P2RX7: variants seen among roughly 807,000 people sequenced by gnomAD.
P2RX7 encodes the protein purinergic receptor P2X 7, also known as P2X purinoceptor 7.
Under a neutral mutation model 71.6 loss-of-function variants are expected in P2RX7, and 62 were observed. The observed-to-expected ratio is 0.87, with a 90% CI of 0.71 to 1.07. The LOEUF (loss-of-function observed/expected upper bound fraction) is 1.07. Among genes scored for constraint, P2RX7 ranks in the 50% least tolerant of loss-of-function variants. P2RX7 has a pLI of 0.00. For missense variants in P2RX7, 686 were observed against 748.5 expected (o/e 0.92, Z 0.97); for synonymous variants, 299 against 283.3 (o/e 1.06, Z -0.56).
intron 1 of P2RX7, among the ~76,000 whole-genome samples, chr12:121,152,568 G>C (rs977004089): frequency 3.3e-5 from 5 of 152,138 alleles, no homozygotes; most frequent in Non-Finnish European, 5.9e-5. Flanking sequence ...TGCCCAGGCT[G>C]GAGTGCAGTG....
chr12:121,163,005 A>G (rs1223118022), intron 5 of P2RX7, among the ~76,000 whole-genome samples: 3 of 152,134 alleles, frequency 2.0e-5, no homozygotes, highest in African/African-American at 7.2e-5. Context: ...CTCAGATTAA[A>G]TGCTTACAAT....
chr12:121,172,685 AAG>A (rs1396210199), intron 8 of P2RX7, among the ~76,000 whole-genome samples: 2 of 152,178 alleles, frequency 1.3e-5, no homozygotes, highest in African/African-American at 4.8e-5. Flanking sequence ...ATACATCAGC[AAG>A]AGAAAAAGCT....
chr12:121,135,087 T>C (rs933533746), intron 1 of P2RX7, among the ~76,000 whole-genome samples: 1 of 152,094 alleles, frequency 6.6e-6, no homozygotes, highest in African/African-American at 2.4e-5. Flanking sequence ...ACACCTGTAA[T>C]CCCAACACTT....
chr12:121,142,471 G>T (rs932704850), intron 1 of P2RX7, among the ~76,000 whole-genome samples: 12 of 152,130 alleles, frequency 7.9e-5, no homozygotes, highest in Admixed American at 3.3e-4. Context: ...ACCAGAAGAA[G>T]AATACTCTCT....
intron 8 of P2RX7, among the ~76,000 whole-genome samples, chr12:121,173,537 T>C (rs1486591278): frequency 6.6e-6 from 1 of 151,984 alleles, no homozygotes; most frequent in Non-Finnish European, 1.5e-5. Flanking sequence ...CACCACACCA[T>C]ACCAGGCCAT....
intron 12 of P2RX7, among the ~76,000 whole-genome samples, chr12:121,182,934 T>C (rs995112478): frequency 6.6e-6 from 1 of 152,208 alleles, no homozygotes; most frequent in Non-Finnish European, 1.5e-5. Context: ...TCCCATCACT[T>C]TGGGAGGCCG....
At chr12:121,157,277 C>G (rs998821174) in intron 3 of P2RX7, among the ~76,000 whole-genome samples, 3 of 152,216 alleles carry the variant, frequency 2.0e-5, no homozygotes, top group African/African-American at 7.2e-5. Context: ...CGGGCCCACT[C>G]TGGCAACAAG....
chr12:121,144,970 G>A (rs375142224), intron 1 of P2RX7, among the ~76,000 whole-genome samples: 10 of 152,280 alleles, frequency 6.6e-5, no homozygotes, highest in South Asian at 2.1e-4. Flanking sequence ...AAGGCATTGA[G>A]TTTGAGGTGT....
intron 1 of P2RX7, among the ~76,000 whole-genome samples, chr12:121,151,722 C>T (rs192432867): frequency 2.0e-5 from 3 of 152,216 alleles, no homozygotes; most frequent in East Asian, 1.9e-4. Flanking sequence ...CTCTATCTAG[C>T]TCCAGAACAT....
intron 12 of P2RX7, among the ~76,000 whole-genome samples, chr12:121,183,913 GA>G (rs1884553950): frequency 6.6e-6 from 1 of 152,040 alleles, no homozygotes; most frequent in Non-Finnish European, 1.5e-5. Context: ...AAATACGAAA[GA>G]ATTAGCTGGG....
In P2RX7 at chr12:121,152,789, A is replaced by T. The variant is rs1047903693; in HGVS notation, c.126-1996A>T. ...CGCCTTGGCATCCCAAAGTTCTGGG[A>T]TTACAGGCGTGAGCCACTGTGCCTG... On this transcript the variant is annotated intron_variant, in intron 1 of 12. Coordinates refer to ENST00000328963, the MANE Select transcript of P2RX7 (RefSeq NM_002562.6). 3.9e-5 allele frequency among the ~76,000 whole-genome samples: 6 copies of T among 152,350 alleles called. No homozygotes were observed. In the East Asian group the frequency reaches 1.2e-3, roughly 29 times the overall value.
intron 6 of P2RX7, among the ~76,000 whole-genome samples, chr12:121,165,696 G>A (rs1880872175): frequency 6.6e-6 from 1 of 152,212 alleles, no homozygotes; most frequent in Non-Finnish European, 1.5e-5. Flanking sequence ...AGTTGCTCGT[G>A]GGAGAGCTCA....
chr12:121,165,698 G>A (rs1280031518), intron 6 of P2RX7, among the ~76,000 whole-genome samples: 1 of 152,184 alleles, frequency 6.6e-6, no homozygotes, highest in African/African-American at 2.4e-5. Flanking sequence ...TTGCTCGTGG[G>A]AGAGCTCAGT....
Position 121,149,230 on chromosome 12 carries a change from C to G in P2RX7, c.126-5555C>G. On this transcript the variant is annotated intron_variant, in intron 1 of 12. Coordinates refer to ENST00000328963, the MANE Select transcript of P2RX7 (RefSeq NM_002562.6). The surrounding 1 kb of genome is among the most constrained non-coding windows in gnomAD (Gnocchi z 4.7). ...GGTCCAGAGCAAGCAGCCTCAGGGTCCCATGGGCCCAACCTCACCCTCCAT... is the reference window on the plus strand; with the variant it reads ...GGTCCAGAGCAAGCAGCCTCAGGGTGCCATGGGCCCAACCTCACCCTCCAT... The G allele has an allele frequency of 3.1e-6, 1 of 325,948 alleles. No individual in the cohort carries two copies. Among genetic ancestry groups the G allele is most frequent in the South Asian group, 2.5e-5 (1 of 40,016 alleles). 20.2% of individuals were successfully genotyped at this position (325,948 alleles called of 1,614,324 possible).
At chr12:121,166,255 A>G (rs1261129427) in intron 7 of P2RX7, 68 bp downstream of exon 7, 1 of 1,541,926 alleles carries the variant, frequency 6.5e-7, no homozygotes, top group East Asian at 2.3e-5. Flanking sequence ...CAAACAGCCA[A>G]GAGGCCGGGC....
At chr12:121,184,229 A>G in intron 12 of P2RX7, 76 bp from the exon 13 acceptor site, 1 of 1,477,472 alleles carries the variant, frequency 6.8e-7, no homozygotes, top group Non-Finnish European at 9.0e-7. Flanking sequence ...ACGTAACTTT[A>G]TAAGTTAATA....
At chr12:121,173,503 T>A (rs1195285723) in intron 8 of P2RX7, among the ~76,000 whole-genome samples, 2 of 152,120 alleles carry the variant, frequency 1.3e-5, no homozygotes, top group East Asian at 1.9e-4. Flanking sequence ...ATTTATTACA[T>A]ACTTTTCCCA....
chr12:121,162,653 C>G (rs956766977), intron 5 of P2RX7, 133 bp downstream of exon 5: 1 of 959,870 alleles, frequency 1.0e-6, no homozygotes, highest in Non-Finnish European at 1.5e-6. Flanking sequence ...GGGACCCCTG[C>G]GCTCTGGATG....
chr12:121,139,259 T>C (rs975661140), intron 1 of P2RX7, among the ~76,000 whole-genome samples: 3 of 152,198 alleles, frequency 2.0e-5, no homozygotes, highest in African/African-American at 7.2e-5. Context: ...TCTTTAGATT[T>C]TATTCCAAGT....
Sources: gnomAD v4.1 joint callset for allele counts (sites outside exome capture counted in the v4.1 genomes callset) on GRCh38, gnomAD v4.1.1 for gene constraint, Gnocchi (gnomAD v3.1) non-coding constraint, MANE v1.5 for transcripts, NCBI Gene and HGNC (gene_info 2026-07-23, HGNC 2026-07-21) for gene names.